BLTP3A: variants seen among roughly 807,000 people sequenced by gnomAD.
BLTP3A encodes ICBP90 binding protein 1.
At chr6:34,872,756 C>T in the BLTP3A span, 1 of 181,086 alleles carries the variant, frequency 5.5e-6, no homozygotes, top group South Asian at 1.9e-4. Context: ...GGCCATTTCA[C>T]CTCATGGTTT....
At chr6:34,822,852 G>GAA in the BLTP3A span, among the ~76,000 whole-genome samples, 13 of 136,880 alleles carry the variant, frequency 9.5e-5, no homozygotes, top group East Asian at 6.3e-4. Context: ...TCTGTTTCGG[G>GAA]AAAAAAAAAA....
the BLTP3A span, among the ~76,000 whole-genome samples, chr6:34,861,624 A>G: frequency 1.3e-5 from 2 of 152,230 alleles, no homozygotes; most frequent in African/African-American, 4.8e-5. Flanking sequence ...TATGCATATA[A>G]TATCCACAAA....
chr6:34,836,453 T>C, the BLTP3A span: 1 of 1,140,430 alleles, frequency 8.8e-7, no homozygotes, highest in South Asian at 1.5e-5. Context: ...GTGGAGTACT[T>C]TGGTTGGCTT....
the BLTP3A span, among the ~76,000 whole-genome samples, chr6:34,870,464 G>T: frequency 6.6e-6 from 1 of 152,194 alleles, no homozygotes; most frequent in Non-Finnish European, 1.5e-5. Flanking sequence ...ATGAGTGACA[G>T]ATGAGAAAAC....
the BLTP3A span, among the ~76,000 whole-genome samples, chr6:34,812,328 T>G: frequency 7.1e-6 from 1 of 140,638 alleles, no homozygotes; most frequent in Non-Finnish European, 1.6e-5. Context: ...AACTCCGTCT[T>G]AAAAAAAAAA....
At chr6:34,837,899 G>A in the BLTP3A span, among the ~76,000 whole-genome samples, 12 of 152,122 alleles carry the variant, frequency 7.9e-5, no homozygotes, top group Admixed American at 7.9e-4. Context: ...TTGATTGTTT[G>A]TTTAGATTTT....
chr6:34,807,956 G>A, the BLTP3A span, among the ~76,000 whole-genome samples: 1 of 151,994 alleles, frequency 6.6e-6, no homozygotes, highest in Admixed American at 6.6e-5. Flanking sequence ...TAGGAGAATC[G>A]CTTGAACCGG....
At chr6:34,803,588 C>G in the BLTP3A span, among the ~76,000 whole-genome samples, 1 of 152,184 alleles carries the variant, frequency 6.6e-6, no homozygotes, top group Non-Finnish European at 1.5e-5. Flanking sequence ...AAATAAATAA[C>G]CAGATCTAAT....
the BLTP3A span, chr6:34,859,208 A>G: frequency 6.2e-7 from 1 of 1,614,138 alleles, no homozygotes; most frequent in Non-Finnish European, 8.5e-7. Context: ...CCACATAGCA[A>G]TGGAGAACTG....
the BLTP3A span, among the ~76,000 whole-genome samples, chr6:34,832,797 C>A: frequency 6.6e-6 from 1 of 152,100 alleles, no homozygotes; most frequent in Non-Finnish European, 1.5e-5. Context: ...GTGACCTGTC[C>A]ATACTTGGTC....
the BLTP3A span, among the ~76,000 whole-genome samples, chr6:34,792,523 GC>G: frequency 2.0e-5 from 3 of 152,108 alleles, no homozygotes; most frequent in Non-Finnish European, 4.4e-5. Context: ...CTGTCCTGGC[GC>G]CGGTGCCGCT....
the BLTP3A span, chr6:34,871,594 C>T: frequency 5.6e-6 from 9 of 1,612,718 alleles, no homozygotes; most frequent in Admixed American, 6.7e-5. Context: ...GATGATATCC[C>T]CCCCATCTAT....
chr6:34,870,883 A>G, the BLTP3A span: 3 of 1,614,128 alleles, frequency 1.9e-6, no homozygotes, highest in Non-Finnish European at 1.7e-6. Flanking sequence ...CTCAACTTTG[A>G]AGACTGGCCA....
the BLTP3A span, chr6:34,876,821 T>C: frequency 6.6e-6 from 1 of 152,140 alleles, no homozygotes; most frequent in African/African-American, 2.4e-5. Flanking sequence ...GAACGGGGAT[T>C]ATTTTCCCCA....
the BLTP3A span, chr6:34,822,097 GT>G: frequency 4.9e-6 from 5 of 1,016,078 alleles, no homozygotes; most frequent in Admixed American, 1.1e-4. Context: ...CTCTGAGACA[GT>G]GTGACTGTTG....
the BLTP3A span, among the ~76,000 whole-genome samples, chr6:34,821,045 C>T: frequency 2.7e-3 from 407 of 151,788 alleles, no homozygotes; most frequent in Admixed American, 7.2e-3. Context: ...CAACCTCCGC[C>T]TCCCAGGTTC....
the BLTP3A span, among the ~76,000 whole-genome samples, chr6:34,844,134 C>G: frequency 6.6e-6 from 1 of 152,108 alleles, no homozygotes; most frequent in Non-Finnish European, 1.5e-5. Context: ...GCGCCTGCCA[C>G]CACGCCCGGC....
chr6:34,832,465 T>A, the BLTP3A span, among the ~76,000 whole-genome samples: 1 of 151,598 alleles, frequency 6.6e-6, no homozygotes, highest in African/African-American at 2.4e-5. Flanking sequence ...AGACAGGGTC[T>A]GACTCTGTCA....
chr6:34,874,731 C>T, the BLTP3A span: 1 of 152,206 alleles, frequency 6.6e-6, no homozygotes, highest in Non-Finnish European at 1.5e-5. Context: ...GCTGCTGTGG[C>T]CAAAAGCCTA....
Sources: allele counts gnomAD v4.1 joint callset (sites outside exome capture counted in the v4.1 genomes callset), GRCh38; gene constraint gnomAD v4.1.1; transcripts MANE v1.5; gene names NCBI Gene and HGNC (gene_info 2026-07-23, HGNC 2026-07-21).